Variants in PKNOX2 observed in about 807,000 individuals in gnomAD.
PKNOX2 encodes homeobox protein PKNOX2.
A neutral mutation model predicts 53.1 loss-of-function variants in PKNOX2; 14 were observed. The ratio of observed to expected loss-of-function variants is 0.26; its 90% CI spans 0.17 to 0.41. The LOEUF (loss-of-function observed/expected upper bound fraction) is 0.41, where lower values mean the gene tolerates loss of function less well. Among genes scored for constraint, PKNOX2 ranks in the 10% least tolerant of loss-of-function variants. The pLI is 1.00. For missense variants in PKNOX2, 496 were observed against 602.8 expected (o/e 0.82, Z 1.85); for synonymous variants, 257 against 242.8 (o/e 1.06, Z -0.54).
intron 5 of PKNOX2, among the ~76,000 whole-genome samples, chr11:125,378,800 A>G (rs941521151): frequency 2.0e-5 from 3 of 151,852 alleles, no homozygotes; most frequent in Non-Finnish European, 2.9e-5. Context: ...CTTGCCGGTG[A>G]CCACCCTCGC....
At chr11:125,385,958 G>A (rs1196797117) in intron 6 of PKNOX2, among the ~76,000 whole-genome samples, 1 of 152,186 alleles carries the variant, frequency 6.6e-6, no homozygotes, top group East Asian at 1.9e-4. Flanking sequence ...GCCCAGGGTG[G>A]CACTAGCATC....
intron 1 of PKNOX2, among the ~76,000 whole-genome samples, chr11:125,201,763 C>A (rs187623036): frequency 3.7e-4 from 56 of 152,322 alleles, no homozygotes; most frequent in Non-Finnish European, 6.6e-4. Context: ...GCCTTACTTC[C>A]TTCAAGGTTT....
intron 2 of PKNOX2, among the ~76,000 whole-genome samples, chr11:125,305,032 C>T (rs1329911178): frequency 2.0e-5 from 3 of 152,152 alleles, no homozygotes; most frequent in Non-Finnish European, 2.9e-5. Flanking sequence ...TCAAGTTCTC[C>T]GAGCTAGTAA....
Position 125,352,140 on chromosome 11 carries a change from C to G in PKNOX2, c.87+748C>G, listed in dbSNP as rs1184788886. ...GGGCTGCCCTCCTACATCCTTTAGACCAGCCGCTTTTCCTTTTTGCTTCCC... is the reference window on the plus strand; with the variant it reads ...GGGCTGCCCTCCTACATCCTTTAGAGCAGCCGCTTTTCCTTTTTGCTTCCC... On this transcript the variant is annotated intron_variant, in intron 4 of 12. Transcript: ENST00000298282. This position sits in a 1 kb window ranked among gnomAD's most constrained non-coding sequence, Gnocchi z 4.1. Among the ~76,000 whole-genome samples, 1 of 152,190 alleles carries G rather than the reference C, an allele frequency of 6.6e-6. No individual in the cohort carries two copies. The highest frequency in any genetic ancestry group is 1.5e-5 in the Non-Finnish European group (1 of 68,044).
chr11:125,228,148 C>T lies in PKNOX2; in HGVS notation c.-200-6897C>T, dbSNP rs112600076. Among the ~76,000 whole-genome samples, 557 of 152,314 alleles carry T rather than the reference C, an allele frequency of 3.7e-3. 8 individuals carry two copies. Among genetic ancestry groups the T allele is most frequent in the African/African-American group, 0.013 (520 of 41,568 alleles). ...CTTAACATTCTAGAGCAACTCAGTC[C>T]TGCACAACCTTCCACGATGACAGAA... is the stretch of plus-strand genomic sequence containing the variant. On this transcript the variant is annotated intron_variant, in intron 1 of 12. Coordinates refer to ENST00000298282, the MANE Select transcript of PKNOX2 (RefSeq NM_001382323.2).
chr11:125,401,066 A>G (rs1487886521), intron 7 of PKNOX2, among the ~76,000 whole-genome samples: 1 of 151,888 alleles, frequency 6.6e-6, no homozygotes, highest in Non-Finnish European at 1.5e-5. Flanking sequence ...ATGGAATGAG[A>G]GAAAGAAAGT....
At chr11:125,234,153 T>A (rs1343911580) in intron 1 of PKNOX2, among the ~76,000 whole-genome samples, 4 of 152,154 alleles carry the variant, frequency 2.6e-5, no homozygotes, top group African/African-American at 9.7e-5. Context: ...AAATTCCACC[T>A]CCTCATGAAA....
intron 2 of PKNOX2, among the ~76,000 whole-genome samples, chr11:125,253,578 A>G (rs1214180597): frequency 1.3e-5 from 2 of 152,024 alleles, no homozygotes; most frequent in Non-Finnish European, 2.9e-5. Context: ...CCCAGACTTC[A>G]TACATTTCTC....
intron 1 of PKNOX2, among the ~76,000 whole-genome samples, chr11:125,219,918 G>A (rs1940947615): frequency 6.6e-6 from 1 of 152,098 alleles, no homozygotes; most frequent in African/African-American, 2.4e-5. Flanking sequence ...AGACATTCTT[G>A]TACCTATAGG....
At chr11:125,316,818 G>C (rs1949225725) in intron 2 of PKNOX2, among the ~76,000 whole-genome samples, 1 of 152,172 alleles carries the variant, frequency 6.6e-6, no homozygotes, top group East Asian at 1.9e-4. Flanking sequence ...AGGATGGGGT[G>C]GCTGTGGCAA....
At chr11:125,239,294 T>G (rs1310716822) in intron 2 of PKNOX2, among the ~76,000 whole-genome samples, 1 of 152,240 alleles carries the variant, frequency 6.6e-6, no homozygotes, top group African/African-American at 2.4e-5. Context: ...GGTATACTGC[T>G]GCAGAGGAGC....
chr11:125,327,105 TG>T (rs1257983213), intron 2 of PKNOX2, among the ~76,000 whole-genome samples: 1 of 151,924 alleles, frequency 6.6e-6, no homozygotes, highest in Non-Finnish European at 1.5e-5. Flanking sequence ...GATACCAGAG[TG>T]GGGGTAACCT....
chr11:125,171,017 GC>G (rs1955272934), intron 1 of PKNOX2, among the ~76,000 whole-genome samples: 1 of 131,782 alleles, frequency 7.6e-6, no homozygotes, highest in African/African-American at 2.8e-5. Flanking sequence ...GGGCCAGAAA[GC>G]GGCCACAGAA....
chr11:125,186,159 G>A (rs1053785206), intron 1 of PKNOX2, among the ~76,000 whole-genome samples: 2 of 151,950 alleles, frequency 1.3e-5, no homozygotes, highest in African/African-American at 4.8e-5. Context: ...GATGTTGAAT[G>A]TCTTTTCATT....
intron 2 of PKNOX2, among the ~76,000 whole-genome samples, chr11:125,292,364 C>T (rs998071364): frequency 1.3e-5 from 2 of 152,206 alleles, no homozygotes; most frequent in Non-Finnish European, 2.9e-5. Flanking sequence ...GCTTTAATGA[C>T]AGTCTTTCTG....
At chr11:125,263,256 C>T (rs1418334495) in intron 2 of PKNOX2, among the ~76,000 whole-genome samples, 1 of 152,252 alleles carries the variant, frequency 6.6e-6, no homozygotes, top group Non-Finnish European at 1.5e-5. Flanking sequence ...CTCTCTAGAG[C>T]CAAGCTCCCC....
chr11:125,414,435 G>A (rs1310226962), intron 10 of PKNOX2, among the ~76,000 whole-genome samples: 1 of 152,158 alleles, frequency 6.6e-6, no homozygotes, highest in Admixed American at 6.5e-5. Context: ...GAGAGGCAAG[G>A]GGAGTGGCCA....
intron 2 of PKNOX2, among the ~76,000 whole-genome samples, chr11:125,308,722 C>A (rs763176259): frequency 2.0e-5 from 3 of 152,300 alleles, no homozygotes; most frequent in Admixed American, 1.3e-4. Flanking sequence ...ATTAGAGAGG[C>A]TTTTCTTGTC....
intron 2 of PKNOX2, among the ~76,000 whole-genome samples, chr11:125,316,285 G>A (rs991452405): frequency 3.9e-5 from 6 of 152,136 alleles, no homozygotes; most frequent in Admixed American, 6.5e-5. Flanking sequence ...ATCCAGTGCC[G>A]GGGCCTGTGT....
Sources: gnomAD v4.1 joint callset for allele counts (sites outside exome capture counted in the v4.1 genomes callset) on GRCh38, gnomAD v4.1.1 for gene constraint, Gnocchi (gnomAD v3.1) non-coding constraint, MANE v1.5 for transcripts, NCBI Gene and HGNC (gene_info 2026-07-23, HGNC 2026-07-21) for gene names.